Variants in PCDH15 observed in about 807,000 individuals in gnomAD.
The protein encoded by PCDH15 is protocadherin-15.
A neutral mutation model predicts 178.5 loss-of-function variants in PCDH15; 129 were observed. The observed-to-expected ratio is 0.72, with a 90% CI of 0.63 to 0.84. The LOEUF is 0.84. Among genes scored for constraint, PCDH15 ranks in the 40% least tolerant of loss-of-function variants. The probability of loss-of-function intolerance (pLI) is 0.00; values close to 1 mark genes in which losing one functional copy is unlikely to be tolerated. For synonymous variants in PCDH15, 800 were observed against 732.0 expected, an observed-to-expected ratio of 1.09 and a Z score of -1.50; for missense variants, 2,230 against 2,099.9, an observed-to-expected ratio of 1.06 and a Z score of -1.21.
intron 2 of PCDH15, among the ~76,000 whole-genome samples, chr10:54,615,178 A>G (rs2134310603): frequency 6.6e-6 from 1 of 152,166 alleles, no homozygotes; most frequent in Non-Finnish European, 1.5e-5. Context: ...TTGAGAATAA[A>G]CACGCATTAA....
intron 2 of PCDH15, among the ~76,000 whole-genome samples, chr10:55,005,764 CA>C (rs940931536): frequency 2.5e-4 from 38 of 151,068 alleles, no homozygotes; most frequent in African/African-American, 6.1e-4. Context: ...GATGTAATAA[CA>C]AAAAAAATAA....
intron 15 of PCDH15, among the ~76,000 whole-genome samples, chr10:54,099,109 A>G (rs1467548941): frequency 6.6e-6 from 1 of 152,176 alleles, no homozygotes; most frequent in Non-Finnish European, 1.5e-5. Flanking sequence ...ATGTAAAATA[A>G]TAAAGTTATC....
chr10:55,461,552 C>G (rs1839679255), intron 2 of PCDH15, among the ~76,000 whole-genome samples: 1 of 151,900 alleles, frequency 6.6e-6, no homozygotes, highest in African/African-American at 2.4e-5. Flanking sequence ...GATCTTATTT[C>G]TAGCTGTCTT....
At chr10:55,318,537 A>G (rs560522840) in intron 1 of PCDH15, among the ~76,000 whole-genome samples, 16 of 152,158 alleles carry the variant, frequency 1.1e-4, no homozygotes, top group Non-Finnish European at 1.9e-4. Context: ...AGAGGAAAAA[A>G]CGTGGTCTGG....
chr10:54,633,317 T>C (rs1473185961), intron 2 of PCDH15, among the ~76,000 whole-genome samples: 2 of 152,102 alleles, frequency 1.3e-5, no homozygotes, highest in Non-Finnish European at 2.9e-5. Flanking sequence ...GCAAGGGATG[T>C]TGGGTTGTAG....
At chr10:54,841,797 T>C (rs1281138804) in intron 3 of PCDH15, among the ~76,000 whole-genome samples, 1 of 151,820 alleles carries the variant, frequency 6.6e-6, no homozygotes, top group East Asian at 1.9e-4. Context: ...AAATATATAA[T>C]GCATATTATT....
At chr10:53,929,721 G>T (rs931115267) in intron 25 of PCDH15, among the ~76,000 whole-genome samples, 2 of 152,068 alleles carry the variant, frequency 1.3e-5, no homozygotes, top group South Asian at 4.1e-4. Flanking sequence ...GAAATCAATA[G>T]CATTTGAGTT....
chr10:54,044,193 T>C (rs1184086047), intron 18 of PCDH15, among the ~76,000 whole-genome samples: 1 of 152,092 alleles, frequency 6.6e-6, no homozygotes. Flanking sequence ...TTTGTCATAA[T>C]TGTGGCCAGG....
chr10:53,825,011 T>TAACA (rs2076582490), intron 32 of PCDH15: 1 of 1,213,828 alleles, frequency 8.2e-7, no homozygotes, highest in Non-Finnish European at 1.0e-6. Context: ...ACTTTCCTTT[T>TAACA]AACAGTAAGT....
chr10:55,469,778 A>G (rs1001975125), intron 2 of PCDH15, among the ~76,000 whole-genome samples: 3 of 152,014 alleles, frequency 2.0e-5, no homozygotes, highest in African/African-American at 7.2e-5. Flanking sequence ...CACAACCATT[A>G]TCTCCCAAAT....
At chr10:54,795,371 C>G (rs769883015) in intron 1 of PCDH15, among the ~76,000 whole-genome samples, 9 of 151,748 alleles carry the variant, frequency 5.9e-5, no homozygotes, top group Non-Finnish European at 1.2e-4. Context: ...CTTCAGTTGG[C>G]CTTAAGAAAG....
intron 2 of PCDH15, among the ~76,000 whole-genome samples, chr10:55,578,511 G>T (rs1298130598): frequency 6.6e-6 from 1 of 152,070 alleles, no homozygotes; most frequent in South Asian, 2.1e-4. Flanking sequence ...AAGCCACTGC[G>T]CCCGGCCTGA....
chr10:54,305,537 T>A (rs74136117), intron 8 of PCDH15, among the ~76,000 whole-genome samples: 4,232 of 152,120 alleles, frequency 0.028, 184 homozygotes, highest in African/African-American at 0.097. Flanking sequence ...ATTTGAGCCA[T>A]CATCCTAACA....
intron 9 of PCDH15, among the ~76,000 whole-genome samples, chr10:54,220,901 A>G (rs115012426): frequency 0.033 from 4,947 of 152,100 alleles, 122 homozygotes; most frequent in Middle Eastern, 0.075. Context: ...TTGGACAAAG[A>G]GTAAAACCAA....
At chr10:55,004,051 G>A (rs1839864207) in intron 2 of PCDH15, among the ~76,000 whole-genome samples, 1 of 69,168 alleles carries the variant, frequency 1.4e-5, no homozygotes, top group African/African-American at 5.3e-5. Flanking sequence ...AATGATACTT[G>A]CTATATTTTT....
At chr10:55,170,950 T>A (rs1279637189) in intron 1 of PCDH15, among the ~76,000 whole-genome samples, 1 of 152,198 alleles carries the variant, frequency 6.6e-6, no homozygotes, top group African/African-American at 2.4e-5. Flanking sequence ...TTTTCTTTTT[T>A]GGATTCCAGG....
At chr10:55,522,674 T>C (rs953538241) in intron 2 of PCDH15, among the ~76,000 whole-genome samples, 1 of 151,740 alleles carries the variant, frequency 6.6e-6, no homozygotes, top group Non-Finnish European at 1.5e-5. Flanking sequence ...AAAATAACAT[T>C]GCTAATCCCT....
At chr10:55,421,858 T>A (rs942507821) in intron 2 of PCDH15, among the ~76,000 whole-genome samples, 1 of 151,720 alleles carries the variant, frequency 6.6e-6, no homozygotes, top group Non-Finnish European at 1.5e-5. Context: ...TTGGGATTTA[T>A]CTATTTTGTA....
chr10:55,581,686 A>G (rs1842617179), intron 2 of PCDH15, among the ~76,000 whole-genome samples: 1 of 152,214 alleles, frequency 6.6e-6, no homozygotes, highest in Admixed American at 6.5e-5. Context: ...TTAATAAAAG[A>G]TAAAAGTAGA....
Sources: gnomAD v4.1 joint callset for allele counts (sites outside exome capture counted in the v4.1 genomes callset) on GRCh38, gnomAD v4.1.1 for gene constraint, MANE v1.5 for transcripts, NCBI Gene and HGNC (gene_info 2026-07-23, HGNC 2026-07-21) for gene names.